SFSWAP: variants seen among roughly 807,000 people sequenced by gnomAD.
SFSWAP encodes the protein splicing factor, suppressor of white-apricot homolog.
A neutral mutation model predicts 100.7 loss-of-function variants in SFSWAP; 17 were observed. The ratio of observed to expected loss-of-function variants is 0.17; its 90% CI spans 0.12 to 0.25. The LOEUF is 0.25. SFSWAP is among the 10% of genes least tolerant of loss of function. The probability of loss-of-function intolerance (pLI) is 1.00; values close to 1 mark genes in which losing one functional copy is unlikely to be tolerated. For synonymous variants in SFSWAP, 504 were observed against 510.1 expected (o/e 0.99, Z 0.16); for missense variants, 1,005 against 1,262.6 (o/e 0.80, Z 3.09).
Position 131,799,590 on chromosome 12 carries a change from T to TAAGG in SFSWAP, c.*102_*103insAAGG. The TAAGG allele has an allele frequency of 2.3e-6, 2 of 859,206 alleles. No homozygotes were observed. The highest frequency in any genetic ancestry group is 1.6e-5 in the South Asian group (1 of 63,640). The allele number at this position is 859,206 out of a possible 1,614,324, so 53.2% of individuals were successfully genotyped here. On this transcript the variant is annotated 3_prime_UTR_variant, in exon 18 of 18. Transcript: ENST00000261674. The stretch of plus-strand genomic sequence containing the variant: ...CCACCTGGCCGCCTCCATGGACCCT[T>TAAGG]GGTGGCTTTTGTAAATTAATTTTTG...
At chr12:131,771,849 G>A (rs1468574236) in intron 13 of SFSWAP, among the ~76,000 whole-genome samples, 1 of 152,022 alleles carries the variant, frequency 6.6e-6, no homozygotes, top group African/African-American at 2.4e-5. Context: ...TTTTAGTAGA[G>A]ACAGGGTTTC....
intron 15 of SFSWAP, among the ~76,000 whole-genome samples, chr12:131,790,548 G>A (rs529484301): frequency 1.1e-4 from 17 of 152,292 alleles, no homozygotes; most frequent in Non-Finnish European, 2.1e-4. Context: ...ACCTACAGCC[G>A]CAGCTACTTG....
intron 14 of SFSWAP, among the ~76,000 whole-genome samples, chr12:131,783,098 T>C (rs1027068555): frequency 6.6e-6 from 1 of 151,650 alleles, no homozygotes; most frequent in Non-Finnish European, 1.5e-5. Flanking sequence ...GGAGAATTGC[T>C]TGAACCCGGG....
At chr12:131,724,888 A>G (rs1015985770) in intron 4 of SFSWAP, among the ~76,000 whole-genome samples, 9 of 152,208 alleles carry the variant, frequency 5.9e-5, no homozygotes, top group African/African-American at 2.2e-4. Context: ...TCAGGTGCAG[A>G]AGAAAAGACA....
Position 131,753,302 on chromosome 12 carries a change from C to T in SFSWAP, c.1261C>T (p.Leu421=). 6.2e-7 allele frequency: 1 copy of T among 1,611,034 alleles called. No homozygotes were observed. The highest frequency in any genetic ancestry group is 8.5e-7 in the Non-Finnish European group (1 of 1,177,264). ...CCCACCACCTCCTGGGACCACACCACTACCGCCCCCAACCACAGCAGAGAC... is the reference window on the plus strand; with the variant it reads ...CCCACCACCTCCTGGGACCACACCATTACCGCCCCCAACCACAGCAGAGAC... ...TAPPPPGTTP[L]PPPTTAETSS... Residue 421 remains leucine (L), a synonymous_variant, in exon 8 of 18, where the codon CTA becomes TTA. Coordinates refer to ENST00000261674, the MANE Select transcript of SFSWAP (RefSeq NM_004592.4).
At chr12:131,712,181 C>G (rs1029316488) in intron 1 of SFSWAP, 1 of 152,178 alleles carries the variant, frequency 6.6e-6, no homozygotes, top group African/African-American at 2.4e-5. Context: ...AAGGGTGGAG[C>G]TGGGATATAG....
chr12:131,769,336 T>C (rs1475707146), intron 13 of SFSWAP, among the ~76,000 whole-genome samples: 1 of 152,202 alleles, frequency 6.6e-6, no homozygotes, highest in Non-Finnish European at 1.5e-5. Flanking sequence ...AGGGACCTGT[T>C]ACAGTGGCGT....
chr12:131,799,309 C>G, intron 17 of SFSWAP, 114 bp from the exon 18 acceptor site: 3 of 1,198,736 alleles, frequency 2.5e-6, no homozygotes, highest in Admixed American at 1.8e-5. Flanking sequence ...TCCGCCGCCC[C>G]CACGGTGCTA....
Position 131,786,641 on chromosome 12 carries a change from G to A in SFSWAP, c.2534+53G>A, listed in dbSNP as rs539126905. 3.9e-6 allele frequency: 6 copies of A among 1,545,330 alleles called. No individual in the cohort carries two copies. In the African/African-American group the frequency reaches 5.4e-5, roughly 14 times the overall value. On this transcript the variant is annotated intron_variant, in intron 15 of 17. Transcript: ENST00000261674. ...CTGGATGTGGGCCAGGTTTCCCTGG[G>A]TGGAAAGGGCGTCTGAAGGTCGGGT...
intron 7 of SFSWAP, among the ~76,000 whole-genome samples, chr12:131,738,716 G>A (rs1435911605): frequency 2.6e-5 from 4 of 151,700 alleles, no homozygotes; most frequent in South Asian, 2.1e-4. Flanking sequence ...AATATATCTC[G>A]AACATCTTTG....
intron 1 of SFSWAP, chr12:131,712,389 T>A (rs1877458357): frequency 6.6e-6 from 1 of 152,264 alleles, no homozygotes; most frequent in Non-Finnish European, 1.5e-5. Context: ...CTCTGGGTTT[T>A]GGGGTTGTTG....
chr12:131,727,937 G>A (rs1419465695), intron 6 of SFSWAP, among the ~76,000 whole-genome samples: 1 of 152,164 alleles, frequency 6.6e-6, no homozygotes, highest in Non-Finnish European at 1.5e-5. Context: ...CTGATTGATT[G>A]GACTGGAAAA....
chr12:131,764,726 T>TA (rs1187967165), intron 12 of SFSWAP, 40 bp downstream of exon 12: 1 of 1,416,374 alleles, frequency 7.1e-7, no homozygotes, highest in Non-Finnish European at 9.8e-7. Flanking sequence ...AGAAAGGAAA[T>TA]ACACAAATAT....
At chr12:131,797,004 T>A (rs937700061) in intron 15 of SFSWAP, 174 bp from the exon 16 acceptor site, 66 of 619,594 alleles carry the variant, frequency 1.1e-4, no homozygotes, top group Admixed American at 5.5e-5. Context: ...TCATCTGTTA[T>A]CAGTTAAATG....
Position 131,764,553 on chromosome 12 carries a change from T to G in SFSWAP, c.1818T>G (p.Asp606Glu). Residue 606 changes from aspartate (D) to glutamate (E), a missense_variant, in exon 12 of 18, where the codon GAT becomes GAG. Around this residue, in one of 7 missense-constraint regions of SFSWAP, gnomAD observed 82 missense variants for 131.0 expected, o/e 0.63. Coordinates refer to ENST00000261674, the MANE Select transcript of SFSWAP (RefSeq NM_004592.4). ...TTAAGCTAGATGATGACAGTGATGATGATGAAGAAAGCAAAGAAGGCCAAG... is the reference window on the plus strand; with the variant it reads ...TTAAGCTAGATGATGACAGTGATGAGGATGAAGAAAGCAAAGAAGGCCAAG... ...NRVKLDDDSD[D>E]DEESKEGQES... is the part of the protein sequence containing the mutation. 1 of 1,614,136 alleles carries G rather than the reference T, an allele frequency of 6.2e-7. No individual in the cohort carries two copies. Among genetic ancestry groups the G allele is most frequent in the East Asian group, 2.2e-5 (1 of 44,892 alleles).
chr12:131,738,885 C>CTTTTTTTTTTTTTTTTTG (rs1880309166), intron 7 of SFSWAP, among the ~76,000 whole-genome samples: 1 of 48,720 alleles, frequency 2.1e-5, no homozygotes, highest in African/African-American at 5.8e-5. Flanking sequence ...GAACATTATT[C>CTTTTTTTTTTTTTTTTTG]TTTTTTTTTT....
At chr12:131,765,668 C>A in intron 12 of SFSWAP, among the ~76,000 whole-genome samples, 1 of 151,754 alleles carries the variant, frequency 6.6e-6, no homozygotes, top group Middle Eastern at 3.4e-3. Context: ...AAAAAAAAAG[C>A]CATTTTTCAA....
At chr12:131,731,363 C>CT (rs1347916549) in intron 7 of SFSWAP, among the ~76,000 whole-genome samples, 1 of 152,224 alleles carries the variant, frequency 6.6e-6, no homozygotes, top group African/African-American at 2.4e-5. Flanking sequence ...GTACCTTGTT[C>CT]TGCCTGCCTC....
chr12:131,718,283 A>G (rs1042949742), intron 3 of SFSWAP, among the ~76,000 whole-genome samples: 1 of 152,234 alleles, frequency 6.6e-6, no homozygotes, highest in African/African-American at 2.4e-5. Context: ...TTTACTGTAT[A>G]TGATAGAAAC....
Sources: allele counts gnomAD v4.1 joint callset (sites outside exome capture counted in the v4.1 genomes callset), GRCh38; gene constraint gnomAD v4.1.1; regional missense constraint gnomAD v4.1.1; transcripts MANE v1.5; gene names NCBI Gene and HGNC (gene_info 2026-07-23, HGNC 2026-07-21).